Variants in PPP2R2A observed in about 807,000 individuals in gnomAD.
The protein encoded by PPP2R2A is serine/threonine-protein phosphatase 2A 55 kDa regulatory subunit B alpha isoform.
In PPP2R2A, 9 loss-of-function variants were observed where a neutral mutation model predicts 53.2. The ratio of observed to expected loss-of-function variants is 0.17; its 90% confidence interval spans 0.10 to 0.30. The LOEUF (loss-of-function observed/expected upper bound fraction) is 0.30. Ranked by LOEUF, PPP2R2A falls within the 10% of genes least tolerant of loss-of-function variation. The probability of loss-of-function intolerance (pLI) is 1.00; values close to 1 mark genes in which losing one functional copy is unlikely to be tolerated. For missense variants in PPP2R2A, 235 were observed against 534.6 expected (o/e 0.44, Z 5.53); for synonymous variants, 169 against 174.2 (o/e 0.97, Z 0.23).
At position 26,354,997 on chromosome 8, in the gene PPP2R2A, G is replaced by A. The variant is rs752614251; in HGVS notation, c.346+364G>A. 6.6e-6 allele frequency among the ~76,000 whole-genome samples: 1 copy of A among 152,136 alleles called. No homozygotes were observed. Among genetic ancestry groups the A allele is most frequent in the Non-Finnish European group, 1.5e-5 (1 of 68,018 alleles). ...CTAGAGATAGCAATTTTTTATTATA[G>A]TATTATTATGAATATTAAATAACTT... On this transcript the variant is annotated intron_variant, in intron 4 of 9. Transcript: ENST00000380737. This position sits in a 1 kb window ranked among gnomAD's most constrained non-coding sequence, Gnocchi z 4.6.
chr8:26,363,034 G>T, intron 7 of PPP2R2A, 186 bp downstream of exon 7: 1 of 561,822 alleles, frequency 1.8e-6, no homozygotes, highest in Non-Finnish European at 3.1e-6. Context: ...AAGCTCTCTT[G>T]GGGGGCATGT....
At chr8:26,292,253 T>A in intron 1 of PPP2R2A, 1 of 1,012,860 alleles carries the variant, frequency 9.9e-7, no homozygotes, top group Non-Finnish European at 1.2e-6. Context: ...TTCTTGGGTG[T>A]ATATACACAT....
Position 26,338,532 on chromosome 8 carries a change from G to T in PPP2R2A, c.83-358G>T, listed in dbSNP as rs1263459615. Among the ~76,000 whole-genome samples, 1 of 152,166 alleles carries T rather than the reference G, an allele frequency of 6.6e-6. No individual in the cohort carries two copies. Among genetic ancestry groups the T allele is most frequent in the African/African-American group, 2.4e-5 (1 of 41,434 alleles). On this transcript the variant is annotated intron_variant, in intron 2 of 9. Coordinates refer to ENST00000380737, the MANE Select transcript of PPP2R2A (RefSeq NM_002717.4). The surrounding 1 kb of genome is among the most constrained non-coding windows in gnomAD (Gnocchi z 4.5). Reference sequence around the variant, plus strand: ...TGATTATTTGCATTTGCATAAACAAGCTTATCAAATGTATATAAGAAAATT... The same window carrying T: ...TGATTATTTGCATTTGCATAAACAATCTTATCAAATGTATATAAGAAAATT...
Position 26,321,578 on chromosome 8 carries a change from C to T in PPP2R2A, c.83-17312C>T, listed in dbSNP as rs1178842435. On this transcript the variant is annotated intron_variant, in intron 2 of 9. Transcript: ENST00000380737. This position sits in a 1 kb window ranked among gnomAD's most constrained non-coding sequence, Gnocchi z 4.1. ...GCCCTATTTCACTTGCTGAGGGAAGCCAGCTACCATGTTTGTGTGGTTCCC... is the reference window on the plus strand; with the variant it reads ...GCCCTATTTCACTTGCTGAGGGAAGTCAGCTACCATGTTTGTGTGGTTCCC... Among the ~76,000 whole-genome samples, 1 of 152,194 alleles carries T rather than the reference C, an allele frequency of 6.6e-6. No individual in the cohort carries two copies. Among genetic ancestry groups the T allele is most frequent in the Non-Finnish European group, 1.5e-5 (1 of 68,038 alleles).
chr8:26,347,864 T>G (rs1804298324), intron 3 of PPP2R2A, among the ~76,000 whole-genome samples: 1 of 152,192 alleles, frequency 6.6e-6, no homozygotes, highest in African/African-American at 2.4e-5. Context: ...TCCATGACTA[T>G]CGTTATCATT....
rs1371793150 is a variant in PPP2R2A, at chr8:26,366,300, G to A, written c.973-15G>A. 3 of 1,584,064 alleles carry A rather than the reference G, an allele frequency of 1.9e-6. No homozygotes were observed. Among genetic ancestry groups the A allele is most frequent in the Non-Finnish European group, 2.6e-6 (3 of 1,163,776 alleles). On this transcript the variant is annotated splice_polypyrimidine_tract_variant and intron_variant, in intron 8 of 9. Coordinates refer to ENST00000380737, the MANE Select transcript of PPP2R2A (RefSeq NM_002717.4). Reference sequence around the variant, plus strand: ...TTCCTAATTTCAGTGCAGTATATTTGTATTTTTCCCCCAGGTGCATGAATA... The same window carrying A: ...TTCCTAATTTCAGTGCAGTATATTTATATTTTTCCCCCAGGTGCATGAATA...
intron 2 of PPP2R2A, among the ~76,000 whole-genome samples, chr8:26,301,338 G>GTTT (rs529357848): frequency 1.6e-5 from 2 of 126,492 alleles, no homozygotes; most frequent in Non-Finnish European, 3.4e-5. Flanking sequence ...TCTTTTTTTT[G>GTTT]TTTTTTTTTT....
chr8:26,298,993 G>T lies in PPP2R2A; in HGVS notation c.82+5253G>T, dbSNP rs573670860. ...AATAATTGGTCAAAATAATAGAACA[G>T]GCCAGGTGCAGTGGCTCACGCCTGT... On this transcript the variant is annotated intron_variant, in intron 2 of 9. Transcript: ENST00000380737. Among the ~76,000 whole-genome samples, 6 of 152,336 alleles carry T rather than the reference G, an allele frequency of 3.9e-5. No individual in the cohort carries two copies. In the East Asian group the frequency reaches 1.2e-3, roughly 29 times the overall value.
At chr8:26,358,457 T>G (rs757767395) in intron 4 of PPP2R2A, among the ~76,000 whole-genome samples, 1 of 152,028 alleles carries the variant, frequency 6.6e-6, no homozygotes, top group South Asian at 2.1e-4. Flanking sequence ...TACAAGAAAA[T>G]TATAAGCAAG....
At chr8:26,367,173 T>G (rs1384109079) in intron 9 of PPP2R2A, among the ~76,000 whole-genome samples, 11 of 152,218 alleles carry the variant, frequency 7.2e-5, no homozygotes, top group Non-Finnish European at 1.2e-4. Context: ...TATAGAATGT[T>G]TTCTTTCATC....
intron 9 of PPP2R2A, among the ~76,000 whole-genome samples, chr8:26,369,517 A>G (rs1226086880): frequency 1.3e-5 from 2 of 152,018 alleles, no homozygotes; most frequent in Non-Finnish European, 2.9e-5. Flanking sequence ...CAGCCTCCCG[A>G]GTAGTTGGGA....
chr8:26,312,801 A>T lies in PPP2R2A; in HGVS notation c.82+19061A>T, dbSNP rs186830428. 3.4e-3 allele frequency among the ~76,000 whole-genome samples: 515 copies of T among 152,206 alleles called. 13 individuals are homozygous for T. The highest frequency in any genetic ancestry group is 0.03 in the Admixed American group (466 of 15,298). On this transcript the variant is annotated intron_variant, in intron 2 of 9. Coordinates refer to ENST00000380737, the MANE Select transcript of PPP2R2A (RefSeq NM_002717.4). Reference sequence around the variant, plus strand: ...CTGTTTGCTTCCTTACCCTTGAGGCACCTGTTCATCTCAGATCAGGGCCTC... The same window carrying T: ...CTGTTTGCTTCCTTACCCTTGAGGCTCCTGTTCATCTCAGATCAGGGCCTC...
Position 26,354,395 on chromosome 8 carries a change from G to A in PPP2R2A, c.181-73G>A. On this transcript the variant is annotated intron_variant, in intron 3 of 9. Coordinates refer to ENST00000380737, the MANE Select transcript of PPP2R2A (RefSeq NM_002717.4). The surrounding 1 kb of genome is among the most constrained non-coding windows in gnomAD (Gnocchi z 4.6). ...GTATTGAGAATGTGCAGGGTCCTTT[G>A]GAATTGATTACATATTTGATTATTT... 7.9e-7 allele frequency: 1 copy of A among 1,266,812 alleles called. No homozygotes were observed. Among genetic ancestry groups the A allele is most frequent in the South Asian group, 1.9e-5 (1 of 51,790 alleles). 78.5% of individuals were successfully genotyped at this position (1,266,812 alleles called of 1,614,324 possible).
At chr8:26,318,400 T>A (rs1048668451) in intron 2 of PPP2R2A, among the ~76,000 whole-genome samples, 15 of 152,240 alleles carry the variant, frequency 9.9e-5, no homozygotes, top group African/African-American at 1.7e-4. Flanking sequence ...TGGTGGTCTT[T>A]TATAAATCTT....
At chr8:26,308,417 T>G (rs1178698536) in intron 2 of PPP2R2A, among the ~76,000 whole-genome samples, 1 of 152,284 alleles carries the variant, frequency 6.6e-6, no homozygotes, top group African/African-American at 2.4e-5. Flanking sequence ...TTAACCCTAC[T>G]GCTGCTTTAT....
chr8:26,291,933 C>T, intron 1 of PPP2R2A, 107 bp downstream of exon 1: 3 of 1,491,910 alleles, frequency 2.0e-6, no homozygotes, highest in Non-Finnish European at 9.1e-7. Context: ...ACAGGGCGCC[C>T]CTCGGGTTTG....
intron 9 of PPP2R2A, among the ~76,000 whole-genome samples, chr8:26,368,882 G>A (rs753258997): frequency 2.0e-5 from 3 of 151,978 alleles, no homozygotes; most frequent in Admixed American, 6.6e-5. Context: ...CAAGGCCGGC[G>A]GATCATGAGG....
At chr8:26,367,854 C>T (rs56128468) in intron 9 of PPP2R2A, among the ~76,000 whole-genome samples, 35,122 of 152,174 alleles carry the variant, frequency 0.23, 5,052 homozygotes, top group Non-Finnish European at 0.31. Flanking sequence ...TGGCACAGAA[C>T]AAAGTCAGTC....
At chr8:26,343,925 C>T (rs1437986616) in intron 3 of PPP2R2A, among the ~76,000 whole-genome samples, 5 of 152,124 alleles carry the variant, frequency 3.3e-5, no homozygotes, top group Admixed American at 2.6e-4. Flanking sequence ...CATTTTCCCC[C>T]CATCCAGGCT....
Sources: allele counts gnomAD v4.1 joint callset (sites outside exome capture counted in the v4.1 genomes callset), GRCh38; gene constraint gnomAD v4.1.1; non-coding constraint Gnocchi (gnomAD v3.1); transcripts MANE v1.5; gene names NCBI Gene and HGNC (gene_info 2026-07-23, HGNC 2026-07-21).